Variants in HEATR9 observed in about 807,000 individuals in gnomAD.
HEATR9 encodes the protein protein HEATR9.
Under a neutral mutation model 68.2 loss-of-function variants are expected in HEATR9, and 54 were observed. That is an observed-to-expected ratio of 0.79 (90% CI 0.64 to 0.99). The LOEUF (loss-of-function observed/expected upper bound fraction) is 0.99. HEATR9 is among the 50% of genes least tolerant of loss of function. The pLI is 0.00. For missense variants in HEATR9, 662 were observed against 679.7 expected (o/e 0.97, Z 0.29); for synonymous variants, 241 against 253.5 (o/e 0.95, Z 0.47).
In HEATR9 at chr17:35,868,648, G is replaced by C; in HGVS notation, c.88+7C>G. The C allele has an allele frequency of 6.2e-7, 1 of 1,614,148 alleles. No homozygotes were observed. The highest frequency in any genetic ancestry group is 2.2e-5 in the East Asian group (1 of 44,884). On this transcript the variant is annotated splice_region_variant and intron_variant, in intron 1 of 14. Transcript: ENST00000604834. Reference sequence around the variant, plus strand: ...CTTGGCTCCATTTCTGTCCATCCCAGCCTCACCTTTGGTCTTGTCTGGATA... The same window carrying C: ...CTTGGCTCCATTTCTGTCCATCCCACCCTCACCTTTGGTCTTGTCTGGATA...
In HEATR9 at chr17:35,864,759, CT is replaced by C. The variant is rs765468244; in HGVS notation, c.451del (p.Arg151GlyfsTer47). ...CGTCCTCTCCCACATGGTCCTGACC[CT>C]TAATCTTTGCCACTTCAGGGGGTCC... ...TQDPLKWQRL[R>X]ELTKSLESPR... On this transcript the variant is annotated frameshift_variant and splice_region_variant, in exon 4 of 15. Transcript: ENST00000604834. LOFTEE classifies it high-confidence loss of function. 1.2e-6 allele frequency: 2 copies of C among 1,614,198 alleles called. No individual in the cohort carries two copies. Among genetic ancestry groups the C allele is most frequent in the South Asian group, 2.2e-5 (2 of 91,084 alleles).
intron 1 of HEATR9, 35 bp downstream of exon 1, chr17:35,868,620 G>A: frequency 6.2e-7 from 1 of 1,613,862 alleles, no homozygotes; most frequent in Non-Finnish European, 8.5e-7. Flanking sequence ...TCAGTCCCCT[G>A]CTCTTGGCTC....
At chr17:35,861,317 C>G (rs1444679320) in intron 8 of HEATR9, 1 of 1,416,754 alleles carries the variant, frequency 7.1e-7, no homozygotes, top group African/African-American at 1.4e-5. Flanking sequence ...TTCCATAGCT[C>G]TTGCTAGTAT....
chr17:35,864,278 C>A lies in HEATR9; in HGVS notation c.535G>T (p.Asp179Tyr), dbSNP rs775553290. The change falls in exon 6 of 15, where the codon GAC becomes TAC. Residue 179 changes from aspartate to tyrosine, a missense_variant. Transcript: ENST00000604834. ...AQALGCLRIS[D>Y]KFVMEALQQV... ...TGTAGTGCCTCCATGACAAACTTGT[C>A]ACTGATGCGTAAGCATCCCAGAGCC... The A allele has an allele frequency of 1.9e-6, 3 of 1,613,132 alleles. No homozygotes were observed. Among genetic ancestry groups the A allele is most frequent in the Admixed American group, 1.7e-5 (1 of 60,008 alleles).
intron 3 of HEATR9, 61 bp from the exon 4 acceptor site, chr17:35,864,951 A>G: frequency 6.2e-7 from 1 of 1,605,350 alleles, no homozygotes; most frequent in Non-Finnish European, 8.5e-7. Context: ...TCAGGTTGCA[A>G]CCTCACTTCT....
rs960286330 is a variant in HEATR9 at position 35,863,054 on chromosome 17, C to T, written c.697G>A (p.Glu233Lys). ...GCCATTCGTAGCCCCGTCAAAGTCT[C>T]CATCCTTTGACCCTCATTTTTCTCC... ...LKEKNEGQRM[E>K]TLTGLRMALN... The change falls in exon 8 of 15, where the codon GAG becomes AAG. Residue 233 changes from glutamate (E) to lysine (K), a missense_variant. Glu to Lys is a moderately conservative substitution (Grantham distance 56, BLOSUM62 1). Transcript: ENST00000604834. The T allele has an allele frequency of 6.2e-6, 10 of 1,614,200 alleles. No homozygotes were observed. Among genetic ancestry groups the T allele is most frequent in the Non-Finnish European group, 8.5e-6 (10 of 1,180,008 alleles).
At chr17:35,867,023 G>A (rs923946351) in intron 1 of HEATR9, among the ~76,000 whole-genome samples, 2 of 152,014 alleles carry the variant, frequency 1.3e-5, no homozygotes, top group African/African-American at 2.4e-5. Context: ...AGGCCGAGAC[G>A]GGCGGATCAC....
At chr17:35,857,842 G>A (rs1274697478) in intron 11 of HEATR9, among the ~76,000 whole-genome samples, 1 of 152,206 alleles carries the variant, frequency 6.6e-6, no homozygotes, top group Non-Finnish European at 1.5e-5. Flanking sequence ...AGGAAGGTAG[G>A]GTTAATGCTG....
At chr17:35,866,355 G>A (rs184193431) in intron 2 of HEATR9, among the ~76,000 whole-genome samples, 45 of 152,274 alleles carry the variant, frequency 3.0e-4, no homozygotes, top group African/African-American at 1.1e-3. Flanking sequence ...ACCATTTGTT[G>A]TTTATCCAAA....
intron 1 of HEATR9, among the ~76,000 whole-genome samples, chr17:35,867,231 C>T (rs9911884): frequency 5.3e-5 from 8 of 151,526 alleles, no homozygotes; most frequent in Non-Finnish European, 1.0e-4. Context: ...CCAGCTTGGG[C>T]GACAGAGCGA....
intron 8 of HEATR9, among the ~76,000 whole-genome samples, chr17:35,860,114 C>T (rs750657585): frequency 1.3e-5 from 2 of 152,012 alleles, no homozygotes; most frequent in East Asian, 1.9e-4. Flanking sequence ...TGCTATTTTT[C>T]GGCCGGGCAC....
chr17:35,862,691 G>A (rs1484180468), intron 8 of HEATR9, among the ~76,000 whole-genome samples: 1 of 152,168 alleles, frequency 6.6e-6, no homozygotes, highest in African/African-American at 2.4e-5. Context: ...ACTGTGTGTT[G>A]TTTTTGCACC....
At position 35,864,375 on chromosome 17, in the gene HEATR9, C is replaced by T. The variant is rs991462361; in HGVS notation, c.511-73G>A. The T allele has an allele frequency of 1.4e-5, 21 of 1,526,152 alleles. No homozygotes were observed. In the African/African-American group the frequency reaches 2.5e-4, roughly 18 times the overall value. The allele number at this position is 1,526,152 out of a possible 1,614,324, so 94.5% of individuals were successfully genotyped here. A position where few individuals can be genotyped will look rare whatever the true frequency, so the allele number is the denominator to read the frequency against. On this transcript the variant is annotated intron_variant, in intron 5 of 14. Coordinates refer to ENST00000604834, the MANE Select transcript of HEATR9 (RefSeq NM_152781.4). ...CCCAGGAGTTACCATTCTCTGGATA[C>T]AGCTGGAGTTTGTGCTTGGAATACC...
chr17:35,855,099 C>G lies in HEATR9; in HGVS notation c.1677G>C (p.Lys559Asn). 6.2e-7 allele frequency: 1 copy of G among 1,613,970 alleles called. No individual in the cohort carries two copies. The highest frequency in any genetic ancestry group is 8.5e-7 in the Non-Finnish European group (1 of 1,180,006). ...QVIGPWQPRI[K>N]KQLRVLAEIA... is the part of the protein sequence containing the mutation. ...TTTCAGCAAGGACCCGGAGCTGTTT[C>G]TTGATCCTTGGCTGCCAGGGCCCTA... is the stretch of plus-strand genomic sequence containing the variant. The change falls in exon 15 of 15, where the codon AAG becomes AAC. Residue 559 changes from lysine to asparagine, a missense_variant. Lys to Asn is a moderately conservative substitution (Grantham distance 94). Coordinates refer to ENST00000604834, the MANE Select transcript of HEATR9 (RefSeq NM_152781.4).
intron 12 of HEATR9, 31 bp downstream of exon 12, chr17:35,856,701 A>G (rs967049316): frequency 1.1e-5 from 18 of 1,572,372 alleles, no homozygotes; most frequent in Admixed American, 3.6e-5. Flanking sequence ...ACAGCCTAGG[A>G]TTTGGCCCTG....
chr17:35,864,402 T>C (rs2291299), intron 5 of HEATR9, 95 bp downstream of exon 5: 315,078 of 1,528,044 alleles, frequency 0.21, 36,340 homozygotes, highest in African/African-American at 0.44. Flanking sequence ...TGGAATACCA[T>C]CCCCACAACC....
Position 35,857,587 on chromosome 17 carries a change from G to T in HEATR9, c.1152+613C>A, listed in dbSNP as rs1347573513. ...ATCCTGGCTAACACGATGAAACCCC[G>T]TCTCTACTAAAAATGCAAAAAATTA... On this transcript the variant is annotated intron_variant, in intron 11 of 14. Coordinates refer to ENST00000604834, the MANE Select transcript of HEATR9 (RefSeq NM_152781.4). 2.6e-5 allele frequency among the ~76,000 whole-genome samples: 4 copies of T among 152,118 alleles called. No homozygotes were observed. The South Asian group carries it at 8.3e-4, about 32-fold the overall frequency.
Position 35,856,731 on chromosome 17 carries a change from C to G in HEATR9, c.1226+1G>C, listed in dbSNP as rs142726059. 1.0e-5 allele frequency: 16 copies of G among 1,600,460 alleles called. No homozygotes were observed. The highest frequency in any genetic ancestry group is 9.4e-5 in the African/African-American group (7 of 74,804). The stretch of plus-strand genomic sequence containing the variant: ...GCCCTGGCAGCTCCCAGGCCACTCA[C>G]GCCTCCACCAAGTTCATCATCGTAG... On this transcript the variant is annotated splice_donor_variant, in intron 12 of 14. Transcript: ENST00000604834. LOFTEE classifies it high-confidence loss of function.
In HEATR9 at chr17:35,866,783, G is replaced by C; in HGVS notation, c.89-10C>G. On this transcript the variant is annotated splice_polypyrimidine_tract_variant and intron_variant, in intron 1 of 14. Coordinates refer to ENST00000604834, the MANE Select transcript of HEATR9 (RefSeq NM_152781.4). ...ATGGCTTTTCTGAGTTCTGGCAAGA[G>C]GGATAAGAGTATGTGTGTGGTTCAA... The C allele has an allele frequency of 6.2e-7, 1 of 1,613,598 alleles. No individual in the cohort carries two copies. Among genetic ancestry groups the C allele is most frequent in the Admixed American group, 1.7e-5 (1 of 60,008 alleles).
Sources: gnomAD v4.1 joint callset for allele counts (sites outside exome capture counted in the v4.1 genomes callset) on GRCh38, gnomAD v4.1.1 for gene constraint, MANE v1.5 for transcripts, NCBI Gene and HGNC (gene_info 2026-07-23, HGNC 2026-07-21) for gene names.